Variants in SPPL2A observed in about 807,000 individuals in gnomAD.
SPPL2A encodes signal peptide peptidase-like 2A.
Under a neutral mutation model 63.8 loss-of-function variants are expected in SPPL2A, and 51 were observed. The ratio of observed to expected loss-of-function variants is 0.80; its 90% CI spans 0.64 to 1.01. The LOEUF is 1.01. SPPL2A is among the 50% of genes least tolerant of loss of function. The probability of loss-of-function intolerance (pLI) is 0.00; values close to 1 mark genes in which losing one functional copy is unlikely to be tolerated. For synonymous variants in SPPL2A, 188 were observed against 205.8 expected, an observed-to-expected ratio of 0.91 and a Z score of 0.74; for missense variants, 553 against 622.7, an observed-to-expected ratio of 0.89 and a Z score of 1.19.
At chr15:50,742,116 A>G (rs1351407194) in intron 5 of SPPL2A, among the ~76,000 whole-genome samples, 1 of 152,134 alleles carries the variant, frequency 6.6e-6, no homozygotes, top group African/African-American at 2.4e-5. Context: ...ACCTTATTAT[A>G]AAAAGATTTT....
chr15:50,759,168 T>C (rs936153677), intron 1 of SPPL2A, among the ~76,000 whole-genome samples: 1 of 152,132 alleles, frequency 6.6e-6, no homozygotes, highest in Non-Finnish European at 1.5e-5. Context: ...CCTCCCGAAG[T>C]GCTGGTATTA....
chr15:50,723,705 T>G (rs1208216573), intron 12 of SPPL2A, among the ~76,000 whole-genome samples: 1 of 152,080 alleles, frequency 6.6e-6, no homozygotes, highest in Non-Finnish European at 1.5e-5. Flanking sequence ...TGAACTCCTG[T>G]CCTCAAGTGA....
At chr15:50,709,409 G>A (rs1260947154) in intron 14 of SPPL2A, among the ~76,000 whole-genome samples, 2 of 152,162 alleles carry the variant, frequency 1.3e-5, no homozygotes, top group Non-Finnish European at 2.9e-5. Context: ...TCTTGAAACA[G>A]GGTCTCTTGA....
At chr15:50,718,207 G>A (rs1444741766) in intron 14 of SPPL2A, among the ~76,000 whole-genome samples, 2 of 151,866 alleles carry the variant, frequency 1.3e-5, no homozygotes, top group Non-Finnish European at 2.9e-5. Flanking sequence ...TCGATCTCCT[G>A]ACCTCGTGAT....
intron 1 of SPPL2A, among the ~76,000 whole-genome samples, chr15:50,762,367 CAAAA>C: frequency 8.6e-6 from 1 of 115,862 alleles, no homozygotes; most frequent in East Asian, 2.3e-4. Context: ...GACTCCATCT[CAAAA>C]AAAAAAAAAA....
chr15:50,715,834 A>G (rs72742304), intron 14 of SPPL2A, among the ~76,000 whole-genome samples: 3,346 of 152,334 alleles, frequency 0.022, 51 homozygotes, highest in Middle Eastern at 0.1. Flanking sequence ...TAGAATTACT[A>G]TAATGAACAT....
At chr15:50,749,312 A>G (rs2062886182) in intron 2 of SPPL2A, among the ~76,000 whole-genome samples, 1 of 151,734 alleles carries the variant, frequency 6.6e-6, no homozygotes, top group Non-Finnish European at 1.5e-5. Context: ...TTCAGAGACG[A>G]AGTCTCACCC....
chr15:50,719,692 G>A (rs1475934511), intron 14 of SPPL2A, among the ~76,000 whole-genome samples: 1 of 151,410 alleles, frequency 6.6e-6, no homozygotes, highest in Non-Finnish European at 1.5e-5. Context: ...ATGTTGAAAT[G>A]CTATTTTGTT....
Position 50,718,133 on chromosome 15 carries a change from C to T in SPPL2A, c.1488+1807G>A, listed in dbSNP as rs754252518. On this transcript the variant is annotated intron_variant, in intron 14 of 14. Coordinates refer to ENST00000261854, the MANE Select transcript of SPPL2A (RefSeq NM_032802.4). ...ACTACAAGGCACCCACCACCACACC[C>T]GGCTAATATTTTTTTTGTATTTTTT... 5.6e-4 allele frequency among the ~76,000 whole-genome samples: 85 copies of T among 151,898 alleles called. 1 individual carries two copies. The highest frequency in any genetic ancestry group is 8.1e-4 in the Non-Finnish European group (55 of 67,966).
At chr15:50,712,467 C>T (rs1182360493) in intron 14 of SPPL2A, among the ~76,000 whole-genome samples, 1 of 151,892 alleles carries the variant, frequency 6.6e-6, no homozygotes, top group Non-Finnish European at 1.5e-5. Context: ...CCAGAGCTGA[C>T]CCTCAGGCCC....
At chr15:50,721,385 C>A (rs535583458) in intron 13 of SPPL2A, among the ~76,000 whole-genome samples, 8 of 151,682 alleles carry the variant, frequency 5.3e-5, no homozygotes, top group African/African-American at 1.9e-4. Context: ...TACTTTTTTT[C>A]TTTTCTTCAT....
At chr15:50,762,374 A>T (rs2063019893) in intron 1 of SPPL2A, among the ~76,000 whole-genome samples, 1 of 152,040 alleles carries the variant, frequency 6.6e-6, no homozygotes, top group Non-Finnish European at 1.5e-5. Flanking sequence ...TCTCAAAAAA[A>T]AAAAAAAACA....
chr15:50,716,270 C>T (rs2062598178), intron 14 of SPPL2A, among the ~76,000 whole-genome samples: 1 of 152,188 alleles, frequency 6.6e-6, no homozygotes, highest in African/African-American at 2.4e-5. Flanking sequence ...TCTCAGCTCA[C>T]TACAACCTCC....
chr15:50,741,080 A>T (rs1385451565), intron 5 of SPPL2A, among the ~76,000 whole-genome samples: 1 of 151,824 alleles, frequency 6.6e-6, no homozygotes, highest in African/African-American at 2.4e-5. Flanking sequence ...GCTAGGCCAC[A>T]GAGCTAATAA....
intron 14 of SPPL2A, among the ~76,000 whole-genome samples, chr15:50,712,175 A>G (rs1348517041): frequency 2.6e-5 from 4 of 152,210 alleles, no homozygotes; most frequent in African/African-American, 9.6e-5. Flanking sequence ...AACAGCTAAT[A>G]CTTAGTGAGG....
chr15:50,755,262 G>A (rs1950868695), intron 1 of SPPL2A, among the ~76,000 whole-genome samples: 2 of 151,458 alleles, frequency 1.3e-5, no homozygotes, highest in African/African-American at 4.9e-5. Flanking sequence ...AGGTTGTAGT[G>A]AGCCAAGATC....
At chr15:50,745,464 C>G (rs1342919166) in intron 5 of SPPL2A, among the ~76,000 whole-genome samples, 2 of 151,922 alleles carry the variant, frequency 1.3e-5, no homozygotes, top group African/African-American at 4.8e-5. Context: ...CGGGGTTTCA[C>G]TATGTTGCCC....
chr15:50,762,332 C>A (rs1274841669), intron 1 of SPPL2A, among the ~76,000 whole-genome samples: 1 of 148,582 alleles, frequency 6.7e-6, no homozygotes, highest in Non-Finnish European at 1.5e-5. Context: ...CGCACCACTG[C>A]ACTCCAGCCT....
At position 50,736,743 on chromosome 15, in the gene SPPL2A, GA is replaced by G; in HGVS notation, c.734-4del. On this transcript the variant is annotated splice_polypyrimidine_tract_variant and splice_region_variant and intron_variant, in intron 6 of 14. Coordinates refer to ENST00000261854, the MANE Select transcript of SPPL2A (RefSeq NM_032802.4). ...GAAAATTGCTATCATAACATAAACT[GA>G]AAAAAACAAAACACTAAATTACATG... is the stretch of plus-strand genomic sequence containing the variant. 1 of 1,517,528 alleles carries G rather than the reference GA, an allele frequency of 6.6e-7. No homozygotes were observed. The highest frequency in any genetic ancestry group is 9.1e-7 in the Non-Finnish European group (1 of 1,095,878). The allele number at this position is 1,517,528 out of a possible 1,614,324, so 94.0% of individuals were successfully genotyped here. A position where few individuals can be genotyped will look rare whatever the true frequency, so the allele number is the denominator to read the frequency against.
Sources: gnomAD v4.1 joint callset for allele counts (sites outside exome capture counted in the v4.1 genomes callset) on GRCh38, gnomAD v4.1.1 for gene constraint, MANE v1.5 for transcripts, NCBI Gene and HGNC (gene_info 2026-07-23, HGNC 2026-07-21) for gene names.